NRBF2: variants seen among roughly 807,000 people sequenced by gnomAD.
NRBF2 encodes nuclear receptor binding factor 2.
NRBF2 carries 12 observed loss-of-function variants against 28.5 expected under a neutral mutation model. That is an observed-to-expected ratio of 0.42 (90% confidence interval 0.27 to 0.68). The LOEUF is 0.68. NRBF2 is among the 30% of genes least tolerant of loss of function. NRBF2 has a pLI of 0.24. For missense variants in NRBF2, 274 were observed against 333.5 expected (o/e 0.82, Z 1.39); for synonymous variants, 102 against 116.5 (o/e 0.88, Z 0.80).
At chr10:63,136,672 A>G (rs1841383821) in intron 1 of NRBF2, among the ~76,000 whole-genome samples, 1 of 152,246 alleles carries the variant, frequency 6.6e-6, no homozygotes, top group African/African-American at 2.4e-5. Context: ...TTATTTTGAT[A>G]TCAAGACCTC....
chr10:63,154,070 C>T lies in NRBF2; in HGVS notation c.716C>T (p.Ala239Val). ...SLPPHAETAT[A>V]SSTWQKFAAN... ...CCACCACATGCAGAAACTGCTACAG[C>T]CTCCTCAACCTGGCAGAAGTTCGCA... The change falls in exon 4 of 4, where the codon GCC becomes GTC. Residue 239 changes from alanine to valine, a missense_variant. Coordinates refer to ENST00000277746, the MANE Select transcript of NRBF2 (RefSeq NM_030759.5). 6.2e-7 allele frequency: 1 copy of T among 1,613,630 alleles called. No homozygotes were observed. The highest frequency in any genetic ancestry group is 8.5e-7 in the Non-Finnish European group (1 of 1,179,866).
At chr10:63,145,864 T>G (rs943971452) in intron 1 of NRBF2, among the ~76,000 whole-genome samples, 3 of 152,216 alleles carry the variant, frequency 2.0e-5, no homozygotes, top group Admixed American at 6.5e-5. Context: ...TGAAAGGAGC[T>G]TGTTAAAAAT....
At chr10:63,138,942 G>C (rs755862468) in intron 1 of NRBF2, among the ~76,000 whole-genome samples, 1 of 152,138 alleles carries the variant, frequency 6.6e-6, no homozygotes, top group Non-Finnish European at 1.5e-5. Flanking sequence ...CCTACCATAA[G>C]GTCAGGTGTA....
At chr10:63,137,826 A>C (rs946642803) in intron 1 of NRBF2, among the ~76,000 whole-genome samples, 9 of 152,172 alleles carry the variant, frequency 5.9e-5, no homozygotes, top group African/African-American at 2.2e-4. Context: ...CTTTGTCACA[A>C]GCTGAGCTAG....
rs745898999 is a variant in NRBF2 at position 63,154,094 on chromosome 10, C to T, written c.740C>T (p.Ala247Val). 10 of 1,613,914 alleles carry T rather than the reference C, an allele frequency of 6.2e-6. No homozygotes were observed. The South Asian group carries it at 9.9e-5, about 16-fold the overall frequency. The change falls in exon 4 of 4, where the codon GCA (alanine) becomes GTA (valine). Residue 247 changes from alanine (A) to valine (V), a missense_variant. Coordinates refer to ENST00000277746, the MANE Select transcript of NRBF2 (RefSeq NM_030759.5). Reference protein sequence around the residue: ...ATASSTWQKFAANTGKAKDIP... With the variant: ...ATASSTWQKFVANTGKAKDIP... ...GCCTCCTCAACCTGGCAGAAGTTCGCAGCAAATACTGGGAAAGCCAAGGAC... is the reference window on the plus strand; with the variant it reads ...GCCTCCTCAACCTGGCAGAAGTTCGTAGCAAATACTGGGAAAGCCAAGGAC...
intron 3 of NRBF2, among the ~76,000 whole-genome samples, chr10:63,152,823 C>T (rs1841669858): frequency 6.6e-6 from 1 of 151,988 alleles, no homozygotes; most frequent in Non-Finnish European, 1.5e-5. Flanking sequence ...ACAGTGAGAC[C>T]CCATCTCTAC....
At chr10:63,145,005 C>T (rs1043441125) in intron 1 of NRBF2, among the ~76,000 whole-genome samples, 2 of 151,742 alleles carry the variant, frequency 1.3e-5, no homozygotes, top group Non-Finnish European at 2.9e-5. Context: ...GTAAGTTACA[C>T]GACCTCCCCA....
intron 2 of NRBF2, among the ~76,000 whole-genome samples, chr10:63,151,342 C>T (rs1246141565): frequency 1.3e-5 from 2 of 151,894 alleles, no homozygotes; most frequent in East Asian, 1.9e-4. Flanking sequence ...ACCTTGTTCC[C>T]GAAAGGTTAT....
intron 1 of NRBF2, among the ~76,000 whole-genome samples, chr10:63,135,674 GTC>G (rs796984694): frequency 3.7e-4 from 54 of 145,640 alleles, no homozygotes; most frequent in African/African-American, 1.2e-3. Flanking sequence ...TTGAGATGGA[GTC>G]TCTCTCTGTC....
intron 1 of NRBF2, among the ~76,000 whole-genome samples, chr10:63,139,112 C>T (rs1841423254): frequency 6.6e-6 from 1 of 152,148 alleles, no homozygotes; most frequent in Non-Finnish European, 1.5e-5. Context: ...GGGGTTCAAG[C>T]GATTCTCCTG....
chr10:63,150,407 C>CA, intron 2 of NRBF2: 1 of 791,228 alleles, frequency 1.3e-6, no homozygotes, highest in Non-Finnish European at 1.5e-6. Context: ...TTTTTCTTTC[C>CA]TTTTTTTTTT....
chr10:63,147,298 G>A (rs972614296), intron 2 of NRBF2, among the ~76,000 whole-genome samples: 11 of 151,842 alleles, frequency 7.2e-5, no homozygotes, highest in African/African-American at 2.4e-4. Flanking sequence ...CCTGGAAGTT[G>A]GTAATTTTCA....
chr10:63,138,631 G>C (rs1240592183), intron 1 of NRBF2, among the ~76,000 whole-genome samples: 1 of 149,734 alleles, frequency 6.7e-6, no homozygotes, highest in Non-Finnish European at 1.5e-5. Flanking sequence ...GTAGTCCCAG[G>C]TACTCGGGAG....
intron 2 of NRBF2, among the ~76,000 whole-genome samples, chr10:63,151,799 C>A (rs1369524490): frequency 1.3e-5 from 2 of 152,158 alleles, no homozygotes; most frequent in Non-Finnish European, 2.9e-5. Context: ...CATTGATAAT[C>A]TCATGATATT....
At chr10:63,153,312 G>A (rs1164147910) in intron 3 of NRBF2, among the ~76,000 whole-genome samples, 199 bp from the exon 4 acceptor site, 1 of 152,162 alleles carries the variant, frequency 6.6e-6, no homozygotes, top group African/African-American at 2.4e-5. Context: ...ATGGGGTCAG[G>A]CACATTGAGG....
chr10:63,133,454 C>T lies in NRBF2; in HGVS notation c.-17C>T, dbSNP rs749837853. The stretch of plus-strand genomic sequence containing the variant: ...CCACTACTCCCCTTCCTAAGGCCGC[C>T]GCTTACCCCGGGGTCTATGGAAGTA... On this transcript the variant is annotated 5_prime_UTR_variant, in exon 1 of 4. Coordinates refer to ENST00000277746, the MANE Select transcript of NRBF2 (RefSeq NM_030759.5). 8.7e-6 allele frequency: 14 copies of T among 1,611,910 alleles called. No individual in the cohort carries two copies. In the East Asian group the frequency reaches 2.0e-4, roughly 23 times the overall value.
In NRBF2 at chr10:63,153,814, C is replaced by A; in HGVS notation, c.460C>A (p.Pro154Thr). Residue 154 changes from proline to threonine, a missense_variant, in exon 4 of 4, where the codon CCA becomes ACA. By Grantham distance (38) the Pro-to-Thr change is conservative. Coordinates refer to ENST00000277746, the MANE Select transcript of NRBF2 (RefSeq NM_030759.5). ...TCAGCAAAAGAGTGAGCCAGCAGAG[C>A]CATGTATTGGAAGCAAAGCCCCAAA... Reference protein sequence around the residue: ...LLQQKSEPAEPCIGSKAPKDD... With the variant: ...LLQQKSEPAETCIGSKAPKDD... The A allele has an allele frequency of 1.2e-6, 2 of 1,612,734 alleles. No homozygotes were observed. Among genetic ancestry groups the A allele is most frequent in the South Asian group, 1.1e-5 (1 of 91,010 alleles).
At chr10:63,136,124 C>CTTTTT (rs11334549) in intron 1 of NRBF2, among the ~76,000 whole-genome samples, 2 of 125,006 alleles carry the variant, frequency 1.6e-5, no homozygotes, top group Non-Finnish European at 1.8e-5. Context: ...AAAATTCAGA[C>CTTTTT]TTTTTTTTTT....
rs1841559963 is a variant in NRBF2, at chr10:63,146,286, G to T, written c.108G>T (p.Lys36Asn). ...KYEEAISCHK[K>N]AAAYLSEAMK... ...AAGAGGCTATTTCTTGTCACAAAAA[G>T]GCTGCAGGTGAGTATTCTTATTAAG... Residue 36 changes from lysine to asparagine, a missense_variant, in exon 2 of 4, where the codon AAG (lysine) becomes AAT (asparagine). Physicochemically the swap from Lys to Asn is moderately conservative, Grantham distance 94 (BLOSUM62 0). Transcript: ENST00000277746. The T allele has an allele frequency of 5.0e-6, 8 of 1,609,624 alleles. No individual in the cohort carries two copies. The Admixed American group carries it at 1.4e-4, about 27-fold the overall frequency.
Sources: gnomAD v4.1 joint callset for allele counts (sites outside exome capture counted in the v4.1 genomes callset) on GRCh38, gnomAD v4.1.1 for gene constraint, MANE v1.5 for transcripts, NCBI Gene and HGNC (gene_info 2026-07-23, HGNC 2026-07-21) for gene names.